PRKN: variants seen among roughly 807,000 people sequenced by gnomAD.
PRKN encodes the protein E3 ubiquitin-protein ligase parkin.
PRKN carries 56 observed loss-of-function variants against 59.5 expected under a neutral mutation model. The ratio of observed to expected loss-of-function variants is 0.94; its 90% CI spans 0.76 to 1.18. The LOEUF is 1.18. Ranked by LOEUF, PRKN falls within the 50% of genes most tolerant of loss-of-function variation. PRKN has a pLI of 0.00. For missense variants in PRKN, 657 were observed against 596.4 expected, an observed-to-expected ratio of 1.10 and a Z score of -1.06; for synonymous variants, 250 against 222.1, an observed-to-expected ratio of 1.13 and a Z score of -1.12.
intron 2 of PRKN, among the ~76,000 whole-genome samples, chr6:162,400,000 G>GT (rs1200405466): frequency 6.6e-6 from 1 of 152,194 alleles, no homozygotes; most frequent in African/African-American, 2.4e-5. Flanking sequence ...TAGGTGAGGA[G>GT]TTTGAGACCA....
intron 4 of PRKN, among the ~76,000 whole-genome samples, chr6:162,088,043 G>A (rs1336946339): frequency 1.3e-5 from 2 of 152,100 alleles, no homozygotes; most frequent in Non-Finnish European, 2.9e-5. Context: ...GGGATGCAAG[G>A]GATGCAATCC....
intron 1 of PRKN, among the ~76,000 whole-genome samples, chr6:162,713,270 GGAT>G (rs1778604424): frequency 6.6e-6 from 1 of 152,076 alleles, no homozygotes; most frequent in Non-Finnish European, 1.5e-5. Flanking sequence ...CGAGGCGGGC[GGAT>G]CACGAGGTCA....
intron 4 of PRKN, among the ~76,000 whole-genome samples, chr6:162,131,362 A>G (rs1781346509): frequency 6.6e-6 from 1 of 152,246 alleles, no homozygotes; most frequent in African/African-American, 2.4e-5. Flanking sequence ...TTTTAGTTGT[A>G]TAATGTTCTC....
intron 5 of PRKN, among the ~76,000 whole-genome samples, chr6:162,029,684 G>A (rs1248756138): frequency 3.3e-5 from 5 of 152,070 alleles, no homozygotes; most frequent in East Asian, 1.9e-4. Flanking sequence ...CCCACTAAAC[G>A]CCATAACTTT....
rs1409456579 is a variant in PRKN at position 161,526,390 on chromosome 6, T to C, written c.1083+22464A>G. Reference sequence around the variant, plus strand: ...ATTGCTTCTTGCTTACTTTGAAAAGTACCTAAGCTACAACAATGGGCAAAA... The same window carrying C: ...ATTGCTTCTTGCTTACTTTGAAAAGCACCTAAGCTACAACAATGGGCAAAA... On this transcript the variant is annotated intron_variant, in intron 9 of 11. Transcript: ENST00000366898. The surrounding 1 kb of genome is among the most constrained non-coding windows in gnomAD (Gnocchi z 4.1). Among the ~76,000 whole-genome samples, 1 of 152,198 alleles carries C rather than the reference T, an allele frequency of 6.6e-6. No individual in the cohort carries two copies. Among genetic ancestry groups the C allele is most frequent in the Non-Finnish European group, 1.5e-5 (1 of 68,036 alleles).
chr6:161,966,044 T>A (rs1049025660), intron 6 of PRKN, among the ~76,000 whole-genome samples: 3 of 151,958 alleles, frequency 2.0e-5, no homozygotes, highest in African/African-American at 7.3e-5. Flanking sequence ...CAGATGCAAA[T>A]TTTCCCCCAC....
Position 161,418,494 on chromosome 6 carries a change from A to G in PRKN, c.1084-31617T>C, listed in dbSNP as rs191084049. ...GTTCTTTGCTCTTTGAAATCAAAACATTCTGTATTATTTCTGGGATTATAC... is the reference window on the plus strand; with the variant it reads ...GTTCTTTGCTCTTTGAAATCAAAACGTTCTGTATTATTTCTGGGATTATAC... On this transcript the variant is annotated intron_variant, in intron 9 of 11. Transcript: ENST00000366898. 2.9e-4 allele frequency among the ~76,000 whole-genome samples: 44 copies of G among 152,296 alleles called. No homozygotes were observed. The East Asian group carries it at 7.7e-3, about 27-fold the overall frequency.
chr6:162,399,861 T>C (rs561926091), intron 2 of PRKN, among the ~76,000 whole-genome samples: 17 of 151,024 alleles, frequency 1.1e-4, no homozygotes, highest in South Asian at 1.1e-3. Context: ...AGGAAAAAGA[T>C]AGAAAAAAGA....
chr6:161,641,689 G>GGAGAACC (rs1372215680), intron 7 of PRKN, among the ~76,000 whole-genome samples: 1 of 152,206 alleles, frequency 6.6e-6, no homozygotes, highest in Non-Finnish European at 1.5e-5. Flanking sequence ...CCATTGGGCA[G>GGAGAACC]TATAGGATGA....
chr6:162,326,795 T>C (rs901978964), intron 2 of PRKN, among the ~76,000 whole-genome samples: 1 of 152,226 alleles, frequency 6.6e-6, no homozygotes, highest in African/African-American at 2.4e-5. Flanking sequence ...TAGTTTTCTA[T>C]GCAATATGCA....
intron 6 of PRKN, among the ~76,000 whole-genome samples, chr6:161,932,116 A>C (rs536840078): frequency 6.6e-6 from 1 of 152,152 alleles, no homozygotes; most frequent in South Asian, 2.1e-4. Context: ...AAATATTTTT[A>C]TTATAAAAAA....
rs1051761927 is a variant in PRKN, at chr6:162,553,107, C to A, written c.8-109634G>T. On this transcript the variant is annotated intron_variant, in intron 1 of 11. Coordinates refer to ENST00000366898, the MANE Select transcript of PRKN (RefSeq NM_004562.3). ...GAAGTGAGTGGGGTCCAGGTAAGTTCTTTAAGAGGCAGACGCTCTTACAAC... is the reference window on the plus strand; with the variant it reads ...GAAGTGAGTGGGGTCCAGGTAAGTTATTTAAGAGGCAGACGCTCTTACAAC... Among the ~76,000 whole-genome samples the A allele has an allele frequency of 5.3e-5, 8 of 152,022 alleles. No individual in the cohort carries two copies. In the South Asian group the frequency reaches 1.5e-3, roughly 28 times the overall value.
intron 1 of PRKN, among the ~76,000 whole-genome samples, chr6:162,664,304 T>C (rs920608714): frequency 6.6e-6 from 1 of 152,176 alleles, no homozygotes; most frequent in East Asian, 1.9e-4. Flanking sequence ...TGATAGGTAT[T>C]TGGGTTGGTT....
intron 1 of PRKN, among the ~76,000 whole-genome samples, chr6:162,648,391 TA>T (rs1293782970): frequency 6.8e-4 from 102 of 150,724 alleles, no homozygotes; most frequent in Non-Finnish European, 1.0e-3. Flanking sequence ...TTTCTTTTTT[TA>T]TTTTTTTAAG....
intron 6 of PRKN, among the ~76,000 whole-genome samples, chr6:161,933,914 C>T (rs111306077): frequency 0.013 from 1,920 of 152,140 alleles, 45 homozygotes; most frequent in African/African-American, 0.042. Flanking sequence ...TGTCCTAAAG[C>T]GTCTGTCTGT....
chr6:162,035,156 CAG>C lies in PRKN; in HGVS notation c.618+18933_618+18934del, dbSNP rs1175602985. On this transcript the variant is annotated intron_variant, in intron 5 of 11. Coordinates refer to ENST00000366898, the MANE Select transcript of PRKN (RefSeq NM_004562.3). ...AGAAAGAGAGGAAAGGGGCCCAGGC[CAG>C]AGAGAGATATATATATATATAGAGA... Among the ~76,000 whole-genome samples, 18 of 98,086 alleles carry C rather than the reference CAG, an allele frequency of 1.8e-4. No homozygotes were observed. In the East Asian group the frequency reaches 2.2e-3, roughly 12 times the overall value. 64.3% of individuals were successfully genotyped at this position (98,086 alleles called of 152,430 possible). A position where few individuals can be genotyped will look rare whatever the true frequency, so the allele number is the denominator to read the frequency against.
chr6:162,655,049 A>G (rs1442907353), intron 1 of PRKN, among the ~76,000 whole-genome samples: 11 of 152,198 alleles, frequency 7.2e-5, no homozygotes, highest in Admixed American at 5.9e-4. Context: ...ACCAATGTCA[A>G]TTTTAATAAT....
intron 9 of PRKN, among the ~76,000 whole-genome samples, chr6:161,430,236 G>A (rs1328507656): frequency 6.6e-6 from 1 of 152,148 alleles, no homozygotes; most frequent in Non-Finnish European, 1.5e-5. Context: ...TTCACTGTAC[G>A]ATTATTATTG....
intron 6 of PRKN, among the ~76,000 whole-genome samples, chr6:161,937,690 T>C (rs1482568526): frequency 6.6e-6 from 1 of 152,250 alleles, no homozygotes; most frequent in Non-Finnish European, 1.5e-5. Flanking sequence ...AGATTATTAA[T>C]CTAAGATCCA....
Sources: allele counts gnomAD v4.1 joint callset (sites outside exome capture counted in the v4.1 genomes callset), GRCh38; gene constraint gnomAD v4.1.1; non-coding constraint Gnocchi (gnomAD v3.1); transcripts MANE v1.5; gene names NCBI Gene and HGNC (gene_info 2026-07-23, HGNC 2026-07-21).